Variants in HYCC1 observed in about 807,000 individuals in gnomAD.
HYCC1 encodes the protein hyccin PI4KA lipid kinase complex subunit 1.
the HYCC1 span, among the ~76,000 whole-genome samples, chr7:22,931,828 T>C: frequency 6.6e-6 from 1 of 152,128 alleles, no homozygotes; most frequent in African/African-American, 2.4e-5. Context: ...TAGATTTGGA[T>C]GGAAAGTAAA....
chr7:22,953,570 C>G, the HYCC1 span, among the ~76,000 whole-genome samples: 1 of 151,818 alleles, frequency 6.6e-6, no homozygotes, highest in African/African-American at 2.4e-5. Context: ...ATTCTGTACA[C>G]AGTCTTTCTT....
At chr7:22,907,270 T>C in the HYCC1 span, among the ~76,000 whole-genome samples, 1 of 152,094 alleles carries the variant, frequency 6.6e-6, no homozygotes, top group Non-Finnish European at 1.5e-5. Flanking sequence ...CCTGGATTTT[T>C]AAAAATAAAC....
the HYCC1 span, among the ~76,000 whole-genome samples, chr7:22,929,842 G>C: frequency 6.6e-6 from 1 of 152,124 alleles, no homozygotes; most frequent in Non-Finnish European, 1.5e-5. Context: ...CCATTACTGG[G>C]TATATACCCA....
the HYCC1 span, chr7:22,977,413 A>G: frequency 6.4e-7 from 1 of 1,568,254 alleles, no homozygotes; most frequent in Non-Finnish European, 8.8e-7. Flanking sequence ...CCTGTTTGTC[A>G]ACTATTTCCT....
chr7:22,926,975 C>T, the HYCC1 span, among the ~76,000 whole-genome samples: 1 of 152,144 alleles, frequency 6.6e-6, no homozygotes, highest in Non-Finnish European at 1.5e-5. Context: ...GAAATTATAA[C>T]AAACTGTCTC....
the HYCC1 span, among the ~76,000 whole-genome samples, chr7:22,998,975 C>A: frequency 1.3e-5 from 2 of 152,274 alleles, no homozygotes; most frequent in East Asian, 3.9e-4. Flanking sequence ...TCCTTTCACT[C>A]CTCAGCTTTT....
At chr7:22,925,536 C>T in the HYCC1 span, among the ~76,000 whole-genome samples, 96 of 152,260 alleles carry the variant, frequency 6.3e-4, 1 homozygote, top group East Asian at 0.014. Context: ...GTGACAAATG[C>T]ACAAGCCTCG....
At chr7:23,001,939 CTAATT>C in the HYCC1 span, among the ~76,000 whole-genome samples, 1 of 150,608 alleles carries the variant, frequency 6.6e-6, no homozygotes, top group Middle Eastern at 3.4e-3. Flanking sequence ...GTTCAGTTCT[CTAATT>C]TAGTTTACCC....
chr7:22,900,026 T>C, the HYCC1 span, among the ~76,000 whole-genome samples: 1 of 152,208 alleles, frequency 6.6e-6, no homozygotes, highest in Admixed American at 6.5e-5. Flanking sequence ...TAATAAACAT[T>C]GTCTACCATA....
the HYCC1 span, among the ~76,000 whole-genome samples, chr7:22,960,718 A>G: frequency 2.0e-5 from 3 of 152,234 alleles, no homozygotes; most frequent in African/African-American, 7.2e-5. Context: ...TCATAAGTTA[A>G]AAAGACAGTT....
the HYCC1 span, among the ~76,000 whole-genome samples, chr7:22,926,503 G>A: frequency 2.6e-4 from 40 of 151,592 alleles, no homozygotes; most frequent in African/African-American, 9.7e-4. Flanking sequence ...CCAAGCAAAT[G>A]GAAAACAAAA....
the HYCC1 span, chr7:22,944,557 T>C: frequency 6.6e-6 from 1 of 152,208 alleles, no homozygotes; most frequent in Non-Finnish European, 1.5e-5. Flanking sequence ...TTAGTTAATA[T>C]ATAAATGTCC....
chr7:22,920,177 T>C, the HYCC1 span, among the ~76,000 whole-genome samples: 1 of 150,948 alleles, frequency 6.6e-6, no homozygotes, highest in East Asian at 1.9e-4. Flanking sequence ...AGATCCTGCC[T>C]CCACAAAAAA....
chr7:22,901,050 T>G, the HYCC1 span, among the ~76,000 whole-genome samples: 1 of 151,206 alleles, frequency 6.6e-6, no homozygotes, highest in African/African-American at 2.4e-5. Flanking sequence ...CAAAACCTCA[T>G]CTCTACTAAA....
chr7:23,001,934 G>A, the HYCC1 span, among the ~76,000 whole-genome samples: 2 of 150,624 alleles, frequency 1.3e-5, no homozygotes, highest in Non-Finnish European at 3.0e-5. Context: ...CCTTTGTTCA[G>A]TTCTCTAATT....
chr7:22,977,306 G>T, the HYCC1 span: 2 of 1,269,134 alleles, frequency 1.6e-6, no homozygotes, highest in Non-Finnish European at 2.3e-6. Flanking sequence ...CAAAGCTTAG[G>T]GTCAATAAAC....
At chr7:22,957,755 T>C in the HYCC1 span, among the ~76,000 whole-genome samples, 1 of 151,754 alleles carries the variant, frequency 6.6e-6, no homozygotes, top group Non-Finnish European at 1.5e-5. Context: ...ACATTTAGAG[T>C]TCCATTAAAT....
At chr7:22,922,307 A>G in the HYCC1 span, among the ~76,000 whole-genome samples, 1 of 152,246 alleles carries the variant, frequency 6.6e-6, no homozygotes, top group Non-Finnish European at 1.5e-5. Flanking sequence ...ATCCAACCAC[A>G]GATGCTCTCA....
chr7:22,964,297 T>G, the HYCC1 span: 1 of 700,264 alleles, frequency 1.4e-6, no homozygotes, highest in South Asian at 1.6e-5. Flanking sequence ...TCTTCATATT[T>G]CACAAAAAGT....
Sources: allele counts gnomAD v4.1 joint callset (sites outside exome capture counted in the v4.1 genomes callset), GRCh38; gene constraint gnomAD v4.1.1; transcripts MANE v1.5; gene names NCBI Gene and HGNC (gene_info 2026-07-23, HGNC 2026-07-21).